ADAMTS17: variants seen among roughly 807,000 people sequenced by gnomAD.
The protein encoded by ADAMTS17 is ADAM metallopeptidase with thrombospondin type 1 motif 17, also known as A disintegrin and metalloproteinase with thrombospondin motifs 17.
A neutral mutation model predicts 141.5 loss-of-function variants in ADAMTS17; 113 were observed. That is an observed-to-expected ratio of 0.80 (90% CI 0.69 to 0.93). ADAMTS17 has a LOEUF of 0.93. Ranked by LOEUF, ADAMTS17 falls within the 40% of genes least tolerant of loss-of-function variation. The pLI, the probability that ADAMTS17 is intolerant of heterozygous loss-of-function variation, is 0.00. For missense variants in ADAMTS17, 1,659 were observed against 1,517.9 expected (o/e 1.09, Z -1.54); for synonymous variants, 768 against 630.6 (o/e 1.22, Z -3.27).
intron 13 of ADAMTS17, among the ~76,000 whole-genome samples, chr15:100,116,132 TA>T (rs34003703): frequency 0.42 from 35,094 of 84,442 alleles, 6,764 homozygotes; most frequent in Non-Finnish European, 0.5. Context: ...CAGTTTTAGG[TA>T]AAAAAAAAAA....
intron 3 of ADAMTS17, among the ~76,000 whole-genome samples, chr15:100,282,657 G>C (rs904193406): frequency 1.3e-5 from 2 of 152,198 alleles, no homozygotes; most frequent in South Asian, 2.1e-4. Flanking sequence ...TGAAACCACA[G>C]ATAAGAGGTA....
intron 15 of ADAMTS17, among the ~76,000 whole-genome samples, chr15:100,075,055 C>T (rs1280295199): frequency 2.0e-5 from 3 of 152,026 alleles, no homozygotes; most frequent in African/African-American, 7.2e-5. Flanking sequence ...ATTTAATGTT[C>T]TTCCATAGGC....
chr15:100,210,703 C>T (rs564443545), intron 7 of ADAMTS17, among the ~76,000 whole-genome samples: 16 of 152,212 alleles, frequency 1.1e-4, no homozygotes, highest in African/African-American at 2.9e-4. Context: ...CAGTGGCTCA[C>T]GCCTGTAATC....
intron 7 of ADAMTS17, among the ~76,000 whole-genome samples, chr15:100,236,938 C>T (rs1165717102): frequency 2.6e-5 from 4 of 152,194 alleles, no homozygotes; most frequent in South Asian, 2.1e-4. Flanking sequence ...GGGAACTCTA[C>T]GGCTGAATCC....
At chr15:100,069,305 T>C (rs2033796255) in intron 15 of ADAMTS17, among the ~76,000 whole-genome samples, 1 of 152,214 alleles carries the variant, frequency 6.6e-6, no homozygotes, top group African/African-American at 2.4e-5. Flanking sequence ...TGGAGCCAAG[T>C]TGGAAAACAC....
chr15:100,072,255 G>C (rs948902947), intron 15 of ADAMTS17, among the ~76,000 whole-genome samples: 4 of 143,072 alleles, frequency 2.8e-5, no homozygotes, highest in Non-Finnish European at 4.7e-5. Context: ...TGAAATAAAA[G>C]AGGATACAAA....
At chr15:100,099,652 C>T (rs1385161878) in intron 14 of ADAMTS17, among the ~76,000 whole-genome samples, 7 of 152,192 alleles carry the variant, frequency 4.6e-5, no homozygotes, top group Admixed American at 6.5e-5. Flanking sequence ...ATTTGCTGGT[C>T]GCGCCCTGTG....
At chr15:100,258,938 A>G (rs555234636) in intron 6 of ADAMTS17, among the ~76,000 whole-genome samples, 1 of 151,480 alleles carries the variant, frequency 6.6e-6, no homozygotes, top group African/African-American at 2.4e-5. Context: ...TCTTGGTGAC[A>G]TTTATTGCCT....
At chr15:100,205,117 G>A (rs540897540) in intron 7 of ADAMTS17, among the ~76,000 whole-genome samples, 2 of 152,288 alleles carry the variant, frequency 1.3e-5, no homozygotes, top group East Asian at 1.9e-4. Context: ...GGACACAGAT[G>A]TCCTTGGCTT....
chr15:100,311,677 A>C (rs2045410511), intron 3 of ADAMTS17, among the ~76,000 whole-genome samples: 1 of 152,204 alleles, frequency 6.6e-6, no homozygotes, highest in Non-Finnish European at 1.5e-5. Flanking sequence ...ATGCGCACAC[A>C]CAAAAAATGG....
chr15:100,053,524 G>T (rs919099039), intron 16 of ADAMTS17, among the ~76,000 whole-genome samples: 1 of 152,200 alleles, frequency 6.6e-6, no homozygotes, highest in East Asian at 1.9e-4. Context: ...GCAGATCTAT[G>T]CATCTCACCA....
chr15:100,120,333 C>T (rs763409984), intron 12 of ADAMTS17, among the ~76,000 whole-genome samples: 78 of 152,214 alleles, frequency 5.1e-4, no homozygotes, highest in Admixed American at 1.4e-3. Context: ...CCATCCTTCA[C>T]CCACAAGGCA....
chr15:100,010,538 G>C (rs568575544), intron 18 of ADAMTS17, among the ~76,000 whole-genome samples: 1 of 152,310 alleles, frequency 6.6e-6, no homozygotes, highest in African/African-American at 2.4e-5. Flanking sequence ...GCTGTGGCAG[G>C]AGCTGGCCAG....
At chr15:100,316,516 G>A (rs1300192653) in intron 3 of ADAMTS17, among the ~76,000 whole-genome samples, 1 of 152,072 alleles carries the variant, frequency 6.6e-6, no homozygotes, top group Non-Finnish European at 1.5e-5. Context: ...CCCTTCCGGT[G>A]GATTTTCCAC....
intron 15 of ADAMTS17, among the ~76,000 whole-genome samples, chr15:100,087,776 C>T (rs1488523435): frequency 6.6e-6 from 1 of 152,156 alleles, no homozygotes; most frequent in African/African-American, 2.4e-5. Flanking sequence ...AGGCCTCTGA[C>T]AAAATTCAGC....
chr15:100,161,788 T>G (rs1351371475), intron 8 of ADAMTS17, among the ~76,000 whole-genome samples: 2 of 152,128 alleles, frequency 1.3e-5, no homozygotes, highest in Non-Finnish European at 2.9e-5. Context: ...CATTTACAGG[T>G]AGAAGAACAG....
At chr15:100,102,769 C>CA (rs2141056606) in intron 14 of ADAMTS17, among the ~76,000 whole-genome samples, 1 of 151,970 alleles carries the variant, frequency 6.6e-6, no homozygotes, top group East Asian at 1.9e-4. Context: ...TTTCCTCAAA[C>CA]AGTTCATTCC....
rs1325430910 is a variant in ADAMTS17, at chr15:100,227,605, C to A, written c.1075+26531G>T. ...CTGGATGGACAGATCTGTGGTCCTCCTGGCCTTTCCCTCATGGTCCCAAGA... is the reference window on the plus strand; with the variant it reads ...CTGGATGGACAGATCTGTGGTCCTCATGGCCTTTCCCTCATGGTCCCAAGA... On this transcript the variant is annotated intron_variant, in intron 7 of 21. Coordinates refer to ENST00000268070, the MANE Select transcript of ADAMTS17 (RefSeq NM_139057.4). Among the ~76,000 whole-genome samples, 5 of 152,212 alleles carry A rather than the reference C, an allele frequency of 3.3e-5. No homozygotes were observed. In the South Asian group the frequency reaches 8.3e-4, roughly 25 times the overall value.
chr15:100,219,004 C>T (rs1223954076), intron 7 of ADAMTS17, among the ~76,000 whole-genome samples: 3 of 152,190 alleles, frequency 2.0e-5, no homozygotes, highest in East Asian at 1.9e-4. Flanking sequence ...GAAGTTCTGA[C>T]ACATGCTAGA....
Sources: gnomAD v4.1 joint callset for allele counts (sites outside exome capture counted in the v4.1 genomes callset) on GRCh38, gnomAD v4.1.1 for gene constraint, MANE v1.5 for transcripts, NCBI Gene and HGNC (gene_info 2026-07-23, HGNC 2026-07-21) for gene names.